The following ARHGAP18 variants were observed in gnomAD, a reference collection of about 807,000 sequenced individuals.
ARHGAP18 encodes the protein Rho GTPase activating protein 18.
A neutral mutation model predicts 86.2 loss-of-function variants in ARHGAP18; 67 were observed. The observed-to-expected ratio is 0.78, with a 90% CI of 0.64 to 0.95. The LOEUF is 0.95. Among genes scored for constraint, ARHGAP18 ranks in the 40% least tolerant of loss-of-function variants. The pLI is 0.00. For synonymous variants in ARHGAP18, 283 were observed against 280.4 expected (o/e 1.01, Z -0.09); for missense variants, 691 against 780.4 (o/e 0.89, Z 1.37).
At chr6:129,585,276 C>T (rs566102000) in intron 12 of ARHGAP18, among the ~76,000 whole-genome samples, 1 of 151,292 alleles carries the variant, frequency 6.6e-6, no homozygotes, top group South Asian at 2.1e-4. Flanking sequence ...GAGTGAGACT[C>T]CATCTCAAAA....
At chr6:129,674,645 C>T (rs916498669) in intron 1 of ARHGAP18, among the ~76,000 whole-genome samples, 26 of 152,172 alleles carry the variant, frequency 1.7e-4, no homozygotes, top group African/African-American at 5.1e-4. Context: ...TATAAATAAT[C>T]TAGAGATGAT....
At chr6:129,701,103 C>T (rs1774702852) in intron 1 of ARHGAP18, among the ~76,000 whole-genome samples, 1 of 151,786 alleles carries the variant, frequency 6.6e-6, no homozygotes, top group South Asian at 2.1e-4. Flanking sequence ...TTTACTATGA[C>T]AACTCTGGTT....
At chr6:129,644,973 G>A (rs1773548516) in intron 1 of ARHGAP18, among the ~76,000 whole-genome samples, 1 of 152,094 alleles carries the variant, frequency 6.6e-6, no homozygotes, top group African/African-American at 2.4e-5. Context: ...TAAAAATACT[G>A]AGTCATGGAA....
chr6:129,598,378 C>T (rs9402144), intron 12 of ARHGAP18, among the ~76,000 whole-genome samples: 19,423 of 152,086 alleles, frequency 0.13, 1,341 homozygotes, highest in Admixed American at 0.18. Flanking sequence ...ATAAGCAGGC[C>T]AAAACCGAAA....
intron 12 of ARHGAP18, among the ~76,000 whole-genome samples, chr6:129,598,609 T>C (rs1459824888): frequency 6.6e-6 from 1 of 152,350 alleles, no homozygotes; most frequent in Middle Eastern, 3.4e-3. Context: ...GTTCTTAATA[T>C]ACTCTTACAG....
intron 5 of ARHGAP18, among the ~76,000 whole-genome samples, chr6:129,622,529 T>A (rs1469415789): frequency 6.6e-6 from 1 of 152,184 alleles, no homozygotes; most frequent in Non-Finnish European, 1.5e-5. Flanking sequence ...ACATTGTGCT[T>A]AATGAAGGAG....
chr6:129,668,609 T>C (rs1051768051), intron 1 of ARHGAP18, among the ~76,000 whole-genome samples: 4 of 151,900 alleles, frequency 2.6e-5, no homozygotes, highest in African/African-American at 7.3e-5. Context: ...TCCCTTCAAG[T>C]CCCCCACTAT....
chr6:129,580,714 A>C (rs532175146), intron 13 of ARHGAP18, among the ~76,000 whole-genome samples: 1 of 152,152 alleles, frequency 6.6e-6, no homozygotes, highest in African/African-American at 2.4e-5. Flanking sequence ...TTCTACCCAA[A>C]ATACAAAAAA....
At position 129,625,361 on chromosome 6, in the gene ARHGAP18, G is replaced by GATATATATTTATATGTAATATATATTATA. The variant is rs1562697054; in HGVS notation, c.786+3991_786+3992insTATAATATATATTACATATAAATATATAT. On this transcript the variant is annotated intron_variant, in intron 5 of 14. Transcript: ENST00000368149. ...TATATTTATATGTAATATATATTAT[G>GATATATATTTATATGTAATATATATTATA]TATATTTATATATATTATATATTAT... 1.2e-4 allele frequency among the ~76,000 whole-genome samples: 6 copies of GATATATATTTATATGTAATATATATTATA among 51,234 alleles called. 1 individual carries two copies. In the East Asian group the frequency reaches 2.2e-3, roughly 19 times the overall value. 33.6% of individuals were successfully genotyped at this position (51,234 alleles called of 152,430 possible).
intron 13 of ARHGAP18, among the ~76,000 whole-genome samples, chr6:129,580,683 G>A (rs1260527203): frequency 1.3e-5 from 2 of 152,016 alleles, no homozygotes; most frequent in Admixed American, 1.3e-4. Flanking sequence ...GCCCAGTCTG[G>A]GCAACATGGC....
rs980920679 is a variant in ARHGAP18 at position 129,676,134 on chromosome 6, G to T, written c.113+33890C>A. 2.0e-5 allele frequency among the ~76,000 whole-genome samples: 3 copies of T among 152,318 alleles called. No individual in the cohort carries two copies. In the East Asian group the frequency reaches 5.8e-4, roughly 29 times the overall value. ...GAGGCTACTGAATGGTAAGAAAGGT[G>T]GGAGAGAATGAGGAGAGCTGCTAAC... On this transcript the variant is annotated intron_variant, in intron 1 of 14. Coordinates refer to ENST00000368149, the MANE Select transcript of ARHGAP18 (RefSeq NM_033515.3).
At chr6:129,656,227 A>T (rs1447409962) in intron 1 of ARHGAP18, among the ~76,000 whole-genome samples, 1 of 152,228 alleles carries the variant, frequency 6.6e-6, no homozygotes, top group African/African-American at 2.4e-5. Context: ...ATATGTAGGG[A>T]AACAGTAATA....
At chr6:129,601,024 G>T (rs1788727759) in intron 10 of ARHGAP18, among the ~76,000 whole-genome samples, 176 bp from the exon 11 acceptor site, 1 of 152,152 alleles carries the variant, frequency 6.6e-6, no homozygotes, top group African/African-American at 2.4e-5. Flanking sequence ...GATGCTCCCT[G>T]AGATGGAAAT....
At chr6:129,627,816 A>G (rs912311336) in intron 5 of ARHGAP18, among the ~76,000 whole-genome samples, 3 of 152,186 alleles carry the variant, frequency 2.0e-5, no homozygotes, top group African/African-American at 7.2e-5. Flanking sequence ...TATGTGATAC[A>G]ATTTGAAATT....
intron 4 of ARHGAP18, among the ~76,000 whole-genome samples, chr6:129,631,762 T>TA (rs386408589): frequency 0.28 from 30,135 of 107,462 alleles, 3,610 homozygotes; most frequent in African/African-American, 0.41. Flanking sequence ...GCTTCTATTT[T>TA]AAAAAAAAAA....
At chr6:129,621,309 A>G (rs992268402) in intron 5 of ARHGAP18, among the ~76,000 whole-genome samples, 13 of 152,202 alleles carry the variant, frequency 8.5e-5, no homozygotes, top group East Asian at 3.9e-4. Context: ...AGCAAACTCA[A>G]TTCAAAAGAG....
chr6:129,664,294 T>A, intron 1 of ARHGAP18, among the ~76,000 whole-genome samples: 1 of 152,232 alleles, frequency 6.6e-6, no homozygotes, highest in Non-Finnish European at 1.5e-5. Context: ...GTAGGTTGAT[T>A]GTGGTCCTTC....
chr6:129,592,752 C>T (rs1396086025), intron 12 of ARHGAP18, among the ~76,000 whole-genome samples: 1 of 152,090 alleles, frequency 6.6e-6, no homozygotes, highest in Non-Finnish European at 1.5e-5. Context: ...GTCACAATAA[C>T]CCTGAGGCCT....
chr6:129,611,687 T>C (rs1788983963), intron 7 of ARHGAP18, 77 bp from the exon 8 acceptor site: 3 of 1,265,752 alleles, frequency 2.4e-6, no homozygotes, highest in African/African-American at 3.0e-5. Flanking sequence ...CTGTTTCACA[T>C]ATAAATAAAA....
Sources: allele counts gnomAD v4.1 joint callset (sites outside exome capture counted in the v4.1 genomes callset), GRCh38; gene constraint gnomAD v4.1.1; transcripts MANE v1.5; gene names NCBI Gene and HGNC (gene_info 2026-07-23, HGNC 2026-07-21).